The following MLLT1 variants were observed in gnomAD, a reference collection of about 807,000 sequenced individuals.
The protein encoded by MLLT1 is protein ENL.
Under a neutral mutation model 55.1 loss-of-function variants are expected in MLLT1, and 11 were observed. The ratio of observed to expected loss-of-function variants is 0.20; its 90% CI spans 0.13 to 0.33. The LOEUF (loss-of-function observed/expected upper bound fraction) is 0.33, where lower values mean the gene tolerates loss of function less well. MLLT1 is among the 10% of genes least tolerant of loss of function. MLLT1 has a pLI of 1.00. For missense variants in MLLT1, 536 were observed against 760.6 expected (o/e 0.70, Z 3.47); for synonymous variants, 323 against 320.1 (o/e 1.01, Z -0.10).
intron 4 of MLLT1, among the ~76,000 whole-genome samples, chr19:6,228,809 GCCCAGACAGCCAGCTC>G (rs2090978279): frequency 1.3e-5 from 2 of 152,092 alleles, no homozygotes. Flanking sequence ...GAAAGTTCCT[GCCCAGACAGCCAGCTC>G]CCCAGACAGC....
intron 3 of MLLT1, chr19:6,259,564 T>A (rs893288359): frequency 6.6e-6 from 1 of 152,194 alleles, no homozygotes; most frequent in African/African-American, 2.4e-5. Flanking sequence ...AGGACCTGCA[T>A]CCCTGGACCT....
intron 8 of MLLT1, among the ~76,000 whole-genome samples, chr19:6,216,165 G>A (rs952935483): frequency 4.6e-5 from 7 of 152,154 alleles, no homozygotes; most frequent in African/African-American, 1.7e-4. Flanking sequence ...TGCCACCCAA[G>A]GCCCCAGATG....
At position 6,227,004 on chromosome 19, in the gene MLLT1, C is replaced by T. The variant is rs1326016633; in HGVS notation, c.519G>A (p.Lys173=). The change falls in exon 5 of 12, where the codon AAG becomes AAA. Residue 173 remains lysine, a synonymous_variant. Coordinates refer to ENST00000252674, the MANE Select transcript of MLLT1 (RefSeq NM_005934.4). The surrounding 1 kb of genome is among the most constrained non-coding windows in gnomAD (Gnocchi z 5.1). ...TIPLSAFSDP[K]KTKPSHGSKD... ...TGGAGCCGTGGGATGGTTTGGTCTT[C>T]TTGGGGTCAGAGAAGGCAGAGAGTG... is the stretch of plus-strand genomic sequence containing the variant. 2.5e-6 allele frequency: 4 copies of T among 1,604,734 alleles called. No homozygotes were observed. Among genetic ancestry groups the T allele is most frequent in the Non-Finnish European group, 3.4e-6 (4 of 1,176,506 alleles).
intron 2 of MLLT1, among the ~76,000 whole-genome samples, chr19:6,265,842 G>A (rs999461482): frequency 6.6e-6 from 1 of 151,542 alleles, no homozygotes; most frequent in African/African-American, 2.4e-5. Context: ...AGCCAAGGGT[G>A]GTGGTGGGGG....
chr19:6,262,121 T>C lies in MLLT1; in HGVS notation c.276+107A>G, dbSNP rs1253581848. 4.7e-6 allele frequency: 4 copies of C among 843,294 alleles called. No homozygotes were observed. Among genetic ancestry groups the C allele is most frequent in the East Asian group, 2.5e-5 (1 of 40,376 alleles). 52.2% of individuals were successfully genotyped at this position (843,294 alleles called of 1,614,324 possible). On this transcript the variant is annotated intron_variant, in intron 3 of 11. Coordinates refer to ENST00000252674, the MANE Select transcript of MLLT1 (RefSeq NM_005934.4). The surrounding 1 kb of genome is among the most constrained non-coding windows in gnomAD (Gnocchi z 4.4). ...CCCGCAGCACTCACTGGAATGTCTG[T>C]GCATGGGCAGCGGCCAGTTCTCTGG... is the stretch of plus-strand genomic sequence containing the variant.
At chr19:6,251,843 A>G (rs2091217733) in intron 3 of MLLT1, among the ~76,000 whole-genome samples, 1 of 152,024 alleles carries the variant, frequency 6.6e-6, no homozygotes, top group Non-Finnish European at 1.5e-5. Context: ...GGTCCCAGCC[A>G]CTCGGAAAGC....
rs576178362 is a variant in MLLT1 at position 6,245,389 on chromosome 19, G to T, written c.277-14676C>A. On this transcript the variant is annotated intron_variant, in intron 3 of 11. Coordinates refer to ENST00000252674, the MANE Select transcript of MLLT1 (RefSeq NM_005934.4). The stretch of plus-strand genomic sequence containing the variant: ...TTACAGGTATAAGCCGCCGTGCCCA[G>T]CCCTTAAAAAAGTTTTTTTAATAAC... 1.3e-3 allele frequency among the ~76,000 whole-genome samples: 190 copies of T among 149,978 alleles called. 1 individual carries two copies. Among genetic ancestry groups the T allele is most frequent in the African/African-American group, 4.3e-3 (177 of 40,968 alleles).
chr19:6,252,573 A>G (rs976936392), intron 3 of MLLT1, among the ~76,000 whole-genome samples: 1 of 152,238 alleles, frequency 6.6e-6, no homozygotes, highest in Non-Finnish European at 1.5e-5. Flanking sequence ...CATATGGAAT[A>G]CAGTGTACAC....
rs139530265 is a variant in MLLT1, at chr19:6,262,297, G to T, written c.207C>A (p.Pro69=). The T allele has an allele frequency of 2.3e-4, 378 of 1,613,580 alleles. No individual in the cohort carries two copies. Among genetic ancestry groups the T allele is most frequent in the Admixed American group, 3.3e-4 (20 of 59,968 alleles). ...FPKPRRVCKE[P]PYKVEESGYA... Reference sequence around the variant, plus strand: ...ACCCCGACTCCTCTACTTTGTAGGGGGGCTCCTTGCACACTAAAAAGAAAA... The same window carrying T: ...ACCCCGACTCCTCTACTTTGTAGGGTGGCTCCTTGCACACTAAAAAGAAAA... The change falls in exon 3 of 12, where the codon CCC becomes CCA. Residue 69 remains proline, a synonymous_variant. Coordinates refer to ENST00000252674, the MANE Select transcript of MLLT1 (RefSeq NM_005934.4). The surrounding 1 kb of genome is among the most constrained non-coding windows in gnomAD (Gnocchi z 4.4).
intron 3 of MLLT1, among the ~76,000 whole-genome samples, chr19:6,234,374 C>G (rs1389346481): frequency 1.3e-5 from 2 of 152,198 alleles, no homozygotes; most frequent in African/African-American, 4.8e-5. Context: ...TCTCAGGAAG[C>G]CACACCCTCC....
chr19:6,255,429 G>T (rs573306355), intron 3 of MLLT1, among the ~76,000 whole-genome samples: 1 of 152,104 alleles, frequency 6.6e-6, no homozygotes, highest in African/African-American at 2.4e-5. Flanking sequence ...GGAGGCAGAG[G>T]TTGCAGTGAG....
chr19:6,278,384 A>T (rs2091438420), intron 1 of MLLT1, among the ~76,000 whole-genome samples: 1 of 152,224 alleles, frequency 6.6e-6, no homozygotes, highest in African/African-American at 2.4e-5. Flanking sequence ...TGTTTATGAG[A>T]ACCAACACAG....
chr19:6,255,402 A>C (rs567848972), intron 3 of MLLT1, among the ~76,000 whole-genome samples: 3 of 152,310 alleles, frequency 2.0e-5, no homozygotes, highest in Admixed American at 1.3e-4. Context: ...CTGAGGCAGG[A>C]GAATCGCTTG....
At position 6,235,677 on chromosome 19, in the gene MLLT1, T is replaced by C. The variant is rs1487851902; in HGVS notation, c.277-4964A>G. ...CCAAGCTCCTCAGCCAGCCCCTCTC[T>C]CCTGGACCACCTGCCTCCTAACCGT... On this transcript the variant is annotated intron_variant, in intron 3 of 11. Coordinates refer to ENST00000252674, the MANE Select transcript of MLLT1 (RefSeq NM_005934.4). The surrounding 1 kb of genome is among the most constrained non-coding windows in gnomAD (Gnocchi z 5.5). 6.6e-6 allele frequency among the ~76,000 whole-genome samples: 1 copy of C among 152,118 alleles called. No homozygotes were observed. Among genetic ancestry groups the C allele is most frequent in the Non-Finnish European group, 1.5e-5 (1 of 68,012 alleles).
chr19:6,212,550 G>A lies in MLLT1; in HGVS notation c.*492C>T, dbSNP rs963544115. The A allele has an allele frequency of 1.8e-5, 19 of 1,079,308 alleles. No homozygotes were observed. Among genetic ancestry groups the A allele is most frequent in the African/African-American group, 6.5e-5 (4 of 61,300 alleles). 66.9% of individuals were successfully genotyped at this position (1,079,308 alleles called of 1,614,324 possible). A position where few individuals can be genotyped will look rare whatever the true frequency, so the allele number is the denominator to read the frequency against. On this transcript the variant is annotated 3_prime_UTR_variant, in exon 12 of 12. Coordinates refer to ENST00000252674, the MANE Select transcript of MLLT1 (RefSeq NM_005934.4). ...CAGCGCGAGCCGGGGAGGAGCCGGC[G>A]CTAGGTCTACACGGAGGACGACGCA... is the stretch of plus-strand genomic sequence containing the variant.
chr19:6,217,898 G>A, intron 7 of MLLT1, 56 bp downstream of exon 7: 1 of 1,547,350 alleles, frequency 6.5e-7, no homozygotes, highest in Non-Finnish European at 8.7e-7. Flanking sequence ...CATGTGGCCT[G>A]AGCTCCAGGC....
At chr19:6,236,367 A>G (rs2091061090) in intron 3 of MLLT1, among the ~76,000 whole-genome samples, 1 of 152,190 alleles carries the variant, frequency 6.6e-6, no homozygotes, top group African/African-American at 2.4e-5. Flanking sequence ...GCTGAATCAG[A>G]CAGGGGATCT....
Position 6,262,819 on chromosome 19 carries a change from C to T in MLLT1, c.194-509G>A, listed in dbSNP as rs1209675502. On this transcript the variant is annotated intron_variant, in intron 2 of 11. Transcript: ENST00000252674. This position sits in a 1 kb window ranked among gnomAD's most constrained non-coding sequence, Gnocchi z 4.4. ...GTGGCTGGGACCCTCCTCCTGGGTT[C>T]TAGTTTAGCACCTAATAAGAGCATT... Among the ~76,000 whole-genome samples the T allele has an allele frequency of 4.0e-5, 6 of 151,802 alleles. No homozygotes were observed. Among genetic ancestry groups the T allele is most frequent in the Non-Finnish European group, 7.4e-5 (5 of 67,978 alleles).
intron 3 of MLLT1, among the ~76,000 whole-genome samples, chr19:6,260,639 G>A (rs879688871): frequency 6.6e-5 from 10 of 152,276 alleles, no homozygotes; most frequent in Non-Finnish European, 1.2e-4. Flanking sequence ...CAGTCCCCAG[G>A]TGGCTGAAGG....
Sources: allele counts gnomAD v4.1 joint callset (sites outside exome capture counted in the v4.1 genomes callset), GRCh38; gene constraint gnomAD v4.1.1; non-coding constraint Gnocchi (gnomAD v3.1); transcripts MANE v1.5; gene names NCBI Gene and HGNC (gene_info 2026-07-23, HGNC 2026-07-21).